LRBA: variants seen among roughly 807,000 people sequenced by gnomAD.
LRBA encodes LPS responsive beige-like anchor protein, also known as lipopolysaccharide-responsive and beige-like anchor protein.
In LRBA, 176 loss-of-function variants were observed where a neutral mutation model predicts 330.0. The ratio of observed to expected loss-of-function variants is 0.53; its 90% CI spans 0.47 to 0.60. The LOEUF is 0.60. Among genes scored for constraint, LRBA ranks in the 20% least tolerant of loss-of-function variants. The pLI, the probability that LRBA is intolerant of heterozygous loss-of-function variation, is 0.00. For synonymous variants in LRBA, 1,230 were observed against 1,193.0 expected (o/e 1.03, Z -0.64); for missense variants, 3,259 against 3,444.8 (o/e 0.95, Z 1.35).
At position 150,367,338 on chromosome 4, in the gene LRBA, A is replaced by G. The variant is rs951742921; in HGVS notation, c.7195-17179T>C. On this transcript the variant is annotated intron_variant, in intron 47 of 56. Transcript: ENST00000651943. ...GAAAGAAAGAACACATATTTTTGCA[A>G]AAAGACAGTTTTCTTACAGTGCAAA... Among the ~76,000 whole-genome samples the G allele has an allele frequency of 3.9e-5, 6 of 152,320 alleles. No individual in the cohort carries two copies. In the East Asian group the frequency reaches 7.7e-4, roughly 20 times the overall value.
intron 46 of LRBA, among the ~76,000 whole-genome samples, chr4:150,422,366 T>A (rs1435885075): frequency 6.6e-6 from 1 of 152,148 alleles, no homozygotes; most frequent in Non-Finnish European, 1.5e-5. Flanking sequence ...TCCAGAAGGT[T>A]TTCCCCTTAC....
intron 37 of LRBA, among the ~76,000 whole-genome samples, chr4:150,624,918 C>T (rs1392838152): frequency 6.6e-6 from 1 of 152,130 alleles, no homozygotes; most frequent in East Asian, 1.9e-4. Flanking sequence ...ATAATTCAAA[C>T]AGATGATCCT....
chr4:150,310,001 C>G lies in LRBA; in HGVS notation c.7849+228G>C, dbSNP rs1005637810. On this transcript the variant is annotated intron_variant, in intron 52 of 56. Transcript: ENST00000651943. Reference sequence around the variant, plus strand: ...TTATTCTGTAAGCATGAGCTTGGGTCACAAACCTATAAAAAACTGTCTCTT... The same window carrying G: ...TTATTCTGTAAGCATGAGCTTGGGTGACAAACCTATAAAAAACTGTCTCTT... Among the ~76,000 whole-genome samples, 9 of 152,214 alleles carry G rather than the reference C, an allele frequency of 5.9e-5. No homozygotes were observed. In the South Asian group the frequency reaches 1.9e-3, roughly 32 times the overall value.
chr4:150,467,210 T>C (rs912684519), intron 44 of LRBA, among the ~76,000 whole-genome samples: 19 of 152,172 alleles, frequency 1.2e-4, no homozygotes, highest in African/African-American at 4.6e-4. Flanking sequence ...GATACTTTTT[T>C]AATAGTCAGT....
chr4:150,840,309 G>A (rs1158486643), intron 28 of LRBA, among the ~76,000 whole-genome samples: 2 of 152,232 alleles, frequency 1.3e-5, no homozygotes, highest in Non-Finnish European at 2.9e-5. Context: ...TTTGGCACAA[G>A]AAGCCCAGCT....
At position 150,868,436 on chromosome 4, in the gene LRBA, T is replaced by TA. The variant is rs947985445; in HGVS notation, c.2450-132dup. ...TACCAAAAACATCCTCTTCTGTTATTAAAAAAAATCACCTCTGGAAAGAAA... is the reference window on the plus strand; with the variant it reads ...TACCAAAAACATCCTCTTCTGTTATTAAAAAAAAATCACCTCTGGAAAGAAA... On this transcript the variant is annotated intron_variant, in intron 20 of 56. Transcript: ENST00000651943. 1.6e-4 allele frequency: 78 copies of TA among 484,920 alleles called. 1 individual carries two copies. Among genetic ancestry groups the TA allele is most frequent in the African/African-American group, 3.5e-4 (18 of 50,882 alleles). The allele number at this position is 484,920 out of a possible 1,614,324, so 30.0% of individuals were successfully genotyped here. A position where few individuals can be genotyped will look rare whatever the true frequency, so the allele number is the denominator to read the frequency against.
chr4:150,671,041 T>TGTGTGA (rs779665914), intron 37 of LRBA, among the ~76,000 whole-genome samples: 107 of 142,820 alleles, frequency 7.5e-4, no homozygotes, highest in Middle Eastern at 3.5e-3. Context: ...TGTGTGTGTG[T>TGTGTGA]GAGAGAGAGA....
intron 4 of LRBA, among the ~76,000 whole-genome samples, chr4:150,926,361 C>CT (rs1217121268): frequency 6.6e-6 from 1 of 152,140 alleles, no homozygotes; most frequent in Non-Finnish European, 1.5e-5. Context: ...TAGAGACCCT[C>CT]TAAGAGACAC....
intron 37 of LRBA, among the ~76,000 whole-genome samples, chr4:150,666,224 T>TA (rs1581982564): frequency 1.3e-5 from 2 of 151,918 alleles, no homozygotes; most frequent in East Asian, 1.9e-4. Context: ...AAGAAAACAA[T>TA]AAAAAATAGC....
rs1191705577 is a variant in LRBA, at chr4:150,325,349, T to G, written c.7452+460A>C. 2.0e-5 allele frequency among the ~76,000 whole-genome samples: 3 copies of G among 152,302 alleles called. No individual in the cohort carries two copies. In the East Asian group the frequency reaches 5.8e-4, roughly 29 times the overall value. On this transcript the variant is annotated intron_variant, in intron 49 of 56. Transcript: ENST00000651943. ...GGTGGTTTGTTATACCAAACCATCA[T>G]TTTTCTCCTCACTGTGGTCCCTGAC...
At chr4:150,861,051 C>G (rs1471331530) in intron 22 of LRBA, among the ~76,000 whole-genome samples, 1 of 151,978 alleles carries the variant, frequency 6.6e-6, no homozygotes, top group African/African-American at 2.4e-5. Flanking sequence ...CTGCAGACAA[C>G]TGTAACACAA....
chr4:150,308,472 T>G (rs1468491373), intron 52 of LRBA, among the ~76,000 whole-genome samples: 1 of 152,264 alleles, frequency 6.6e-6, no homozygotes, highest in African/African-American at 2.4e-5. Flanking sequence ...CTGGTTTATG[T>G]ACTTATTATC....
chr4:150,598,559 T>G (rs752934193), intron 38 of LRBA, among the ~76,000 whole-genome samples: 13 of 152,174 alleles, frequency 8.5e-5, no homozygotes, highest in Non-Finnish European at 1.2e-4. Flanking sequence ...AATTGGACAT[T>G]TATTATTATC....
At chr4:150,692,172 C>T (rs568149630) in intron 36 of LRBA, among the ~76,000 whole-genome samples, 24 of 152,134 alleles carry the variant, frequency 1.6e-4, no homozygotes, top group Middle Eastern at 6.8e-3. Flanking sequence ...TTATTACATG[C>T]AAACTATACT....
chr4:150,332,960 C>T (rs1216281149), intron 48 of LRBA, among the ~76,000 whole-genome samples: 1 of 151,766 alleles, frequency 6.6e-6, no homozygotes, highest in Non-Finnish European at 1.5e-5. Context: ...TTTGTGTGTG[C>T]CAACTATTTC....
intron 47 of LRBA, among the ~76,000 whole-genome samples, chr4:150,366,103 T>A (rs1490554299): frequency 6.6e-6 from 1 of 152,208 alleles, no homozygotes; most frequent in Non-Finnish European, 1.5e-5. Flanking sequence ...CTCTTAAATG[T>A]ACCATTTGAC....
intron 47 of LRBA, among the ~76,000 whole-genome samples, chr4:150,379,923 G>C (rs2151885689): frequency 6.6e-6 from 1 of 150,826 alleles, no homozygotes; most frequent in African/African-American, 2.4e-5. Flanking sequence ...AGCACTTTGG[G>C]ACAACGAGGT....
chr4:150,884,172 G>A (rs899577225), intron 17 of LRBA, among the ~76,000 whole-genome samples: 1 of 152,068 alleles, frequency 6.6e-6, no homozygotes, highest in African/African-American at 2.4e-5. Context: ...ACCTATTCAG[G>A]GTAAGAAATG....
At chr4:150,481,184 T>A (rs893333440) in intron 42 of LRBA, among the ~76,000 whole-genome samples, 1 of 152,188 alleles carries the variant, frequency 6.6e-6, no homozygotes, top group Non-Finnish European at 1.5e-5. Flanking sequence ...TGTTTTTTTA[T>A]GGCTGAATAG....
Sources: allele counts gnomAD v4.1 joint callset (sites outside exome capture counted in the v4.1 genomes callset), GRCh38; gene constraint gnomAD v4.1.1; transcripts MANE v1.5; gene names NCBI Gene and HGNC (gene_info 2026-07-23, HGNC 2026-07-21).